The following CEP83 variants were observed in gnomAD, a reference collection of about 807,000 sequenced individuals.
CEP83 encodes centrosomal protein of 83 kDa.
In CEP83, 70 loss-of-function variants were observed where a neutral mutation model predicts 101.9. That is an observed-to-expected ratio of 0.69 (90% CI 0.57 to 0.84). The LOEUF (loss-of-function observed/expected upper bound fraction) is 0.84, where lower values mean the gene tolerates loss of function less well. CEP83 is among the 40% of genes least tolerant of loss of function. The pLI is 0.00. For missense variants in CEP83, 715 were observed against 787.2 expected, an observed-to-expected ratio of 0.91 and a Z score of 1.10; for synonymous variants, 264 against 267.9, an observed-to-expected ratio of 0.99 and a Z score of 0.14.
Position 94,457,639 on chromosome 12 carries a change from T to C in CEP83, c.-155+1918A>G, listed in dbSNP as rs189318122. The stretch of plus-strand genomic sequence containing the variant: ...GAGGAGAGAACTAAAATTAAGTCCA[T>C]GGATTTTAGCAATACATAAGGGTAT... On this transcript the variant is annotated intron_variant, in intron 1 of 16. Transcript: ENST00000397809. 4.5e-3 allele frequency among the ~76,000 whole-genome samples: 689 copies of C among 152,342 alleles called. 4 individuals are homozygous for C. Among genetic ancestry groups the C allele is most frequent in the Admixed American group, 5.6e-3 (86 of 15,304 alleles).
At chr12:94,305,213 GGAA>G, downstream of CEP83, 1 of 1,610,416 alleles carries the variant, frequency 6.2e-7, no homozygotes, top group Non-Finnish European at 8.5e-7. Context: ...AACGAGGGCT[GGAA>G]GAAGCTCAGA....
At chr12:94,300,951 A>C in the CEP83 span, 1 of 1,613,562 alleles carries the variant, frequency 6.2e-7, no homozygotes, top group Admixed American at 1.7e-5. Flanking sequence ...AAGAACCCTC[A>C]GTTTGTCTTT....
chr12:94,386,411 C>A (rs1437537699), intron 6 of CEP83, among the ~76,000 whole-genome samples: 1 of 152,196 alleles, frequency 6.6e-6, no homozygotes, highest in African/African-American at 2.4e-5. Flanking sequence ...TGCAAAGTTA[C>A]CCTCTGCAGA....
intron 14 of CEP83, among the ~76,000 whole-genome samples, chr12:94,321,635 G>A (rs918010005): frequency 6.6e-6 from 1 of 152,146 alleles, no homozygotes; most frequent in Non-Finnish European, 1.5e-5. Flanking sequence ...AGAACAGTCT[G>A]GCCACTTTTC....
intron 14 of CEP83, among the ~76,000 whole-genome samples, chr12:94,327,388 C>T (rs1305671051): frequency 6.6e-6 from 1 of 152,156 alleles, no homozygotes; most frequent in Non-Finnish European, 1.5e-5. Flanking sequence ...TGTTCACCAC[C>T]ACACCTAGCT....
At chr12:94,269,649 A>G in the CEP83 span, among the ~76,000 whole-genome samples, 1 of 152,238 alleles carries the variant, frequency 6.6e-6, no homozygotes, top group Non-Finnish European at 1.5e-5. Flanking sequence ...TCCATTGTTC[A>G]TTAAATCCTG....
intron 11 of CEP83, among the ~76,000 whole-genome samples, chr12:94,366,388 C>T (rs2061028914): frequency 6.6e-6 from 1 of 152,022 alleles, no homozygotes; most frequent in Admixed American, 6.5e-5. Flanking sequence ...AACAACTATA[C>T]ACAAATATTA....
At chr12:94,319,902 A>T (rs1230160782) in intron 14 of CEP83, among the ~76,000 whole-genome samples, 2 of 152,126 alleles carry the variant, frequency 1.3e-5, no homozygotes, top group African/African-American at 4.8e-5. Context: ...CGTCCTGAAT[A>T]TCTTTGTTAA....
the CEP83 span, among the ~76,000 whole-genome samples, chr12:94,266,349 G>C: frequency 1.3e-5 from 2 of 152,208 alleles, no homozygotes; most frequent in Non-Finnish European, 2.9e-5. Flanking sequence ...AAGCTGAGCT[G>C]AAAGTCAACA....
intron 4 of CEP83, among the ~76,000 whole-genome samples, chr12:94,409,384 T>C (rs550420474): frequency 3.3e-5 from 5 of 152,192 alleles, no homozygotes; most frequent in Non-Finnish European, 7.4e-5. Flanking sequence ...TGGGAAGTTT[T>C]CACATGGAGG....
At chr12:94,401,749 T>C (rs1176426436) in intron 5 of CEP83, among the ~76,000 whole-genome samples, 1 of 152,196 alleles carries the variant, frequency 6.6e-6, no homozygotes, top group Non-Finnish European at 1.5e-5. Flanking sequence ...TTACTGCAGA[T>C]ATACTTTGCT....
downstream of CEP83, chr12:94,303,749 T>TCCCC (rs67648319): frequency 8.2e-6 from 11 of 1,344,656 alleles, no homozygotes; most frequent in African/African-American, 1.6e-4. Flanking sequence ...TTTTTTTTTT[T>TCCCC]CCCCAGGAAG....
the CEP83 span, among the ~76,000 whole-genome samples, chr12:94,284,332 T>G: frequency 6.6e-6 from 1 of 152,174 alleles, no homozygotes; most frequent in East Asian, 1.9e-4. Context: ...TGTTTTAAAC[T>G]GTAAGTTCCT....
chr12:94,272,549 C>T, the CEP83 span, among the ~76,000 whole-genome samples: 5 of 152,192 alleles, frequency 3.3e-5, no homozygotes, highest in African/African-American at 9.7e-5. Context: ...GCCTCCTGGC[C>T]CTGCCATCCT....
intron 1 of CEP83, among the ~76,000 whole-genome samples, chr12:94,452,160 G>T (rs1015942636): frequency 6.6e-6 from 1 of 152,144 alleles, no homozygotes; most frequent in African/African-American, 2.4e-5. Context: ...ATAGAAAGTA[G>T]ATCAGTGGTT....
intron 8 of CEP83, among the ~76,000 whole-genome samples, chr12:94,371,766 T>C (rs1305932198): frequency 6.6e-6 from 1 of 152,150 alleles, no homozygotes; most frequent in Admixed American, 6.5e-5. Context: ...AGAAGTGTCT[T>C]ATTGGAAGAT....
chr12:94,382,787 T>C (rs1297666034), intron 6 of CEP83, among the ~76,000 whole-genome samples: 1 of 151,996 alleles, frequency 6.6e-6, no homozygotes, highest in Non-Finnish European at 1.5e-5. Context: ...CTTGTATATG[T>C]TCAGTGAGCA....
chr12:94,425,612 G>C (rs2065135856), intron 2 of CEP83, among the ~76,000 whole-genome samples: 1 of 152,152 alleles, frequency 6.6e-6, no homozygotes, highest in Non-Finnish European at 1.5e-5. Flanking sequence ...GTGATGTTGT[G>C]AGTCCCTTTA....
intron 6 of CEP83, among the ~76,000 whole-genome samples, chr12:94,379,456 T>C (rs2061718160): frequency 6.6e-6 from 1 of 152,190 alleles, no homozygotes; most frequent in Non-Finnish European, 1.5e-5. Flanking sequence ...TAAAATTATC[T>C]ATGTCAGGGC....
Sources: gnomAD v4.1 joint callset for allele counts (sites outside exome capture counted in the v4.1 genomes callset) on GRCh38, gnomAD v4.1.1 for gene constraint, MANE v1.5 for transcripts, NCBI Gene and HGNC (gene_info 2026-07-23, HGNC 2026-07-21) for gene names.